Variants in SLC25A42 observed in about 807,000 individuals in gnomAD.
SLC25A42 encodes the protein solute carrier family 25 member 42, also known as mitochondrial coenzyme A transporter SLC25A42.
Under a neutral mutation model 34.7 loss-of-function variants are expected in SLC25A42, and 19 were observed. That is an observed-to-expected ratio of 0.55 (90% CI 0.38 to 0.80). SLC25A42 has a LOEUF of 0.80. Ranked by LOEUF, SLC25A42 falls within the 30% of genes least tolerant of loss-of-function variation. SLC25A42 has a pLI of 0.00. For missense variants in SLC25A42, 364 were observed against 441.3 expected, an observed-to-expected ratio of 0.82 and a Z score of 1.57; for synonymous variants, 205 against 191.2, an observed-to-expected ratio of 1.07 and a Z score of -0.59.
intron 1 of SLC25A42, among the ~76,000 whole-genome samples, chr19:19,094,188 G>A (rs539422156): frequency 3.3e-5 from 5 of 152,278 alleles, no homozygotes; most frequent in Non-Finnish European, 7.4e-5. Flanking sequence ...GCCGCTAAGC[G>A]CAGCCACACC....
chr19:19,074,293 T>G (rs1163501814), intron 1 of SLC25A42, among the ~76,000 whole-genome samples: 2 of 152,146 alleles, frequency 1.3e-5, no homozygotes, highest in Non-Finnish European at 2.9e-5. Flanking sequence ...TCCCCATTTG[T>G]GAGGCAGCCT....
intron 1 of SLC25A42, among the ~76,000 whole-genome samples, chr19:19,082,752 C>G (rs2059687801): frequency 6.6e-6 from 1 of 152,042 alleles, no homozygotes; most frequent in Admixed American, 6.6e-5. Flanking sequence ...CCTCCAACTC[C>G]TGGGCTCAAG....
intron 1 of SLC25A42, among the ~76,000 whole-genome samples, chr19:19,085,346 A>G (rs1467672659): frequency 6.6e-6 from 1 of 151,362 alleles, no homozygotes; most frequent in Non-Finnish European, 1.5e-5. Context: ...TCCAGAGCAC[A>G]GGGGCAAAGG....
intron 1 of SLC25A42, among the ~76,000 whole-genome samples, chr19:19,093,549 C>T (rs554730864): frequency 1.3e-5 from 2 of 152,322 alleles, no homozygotes; most frequent in South Asian, 4.1e-4. Context: ...GATCTTTAGT[C>T]CTCACATCTC....
At chr19:19,097,100 A>G (rs2059769750) in intron 2 of SLC25A42, among the ~76,000 whole-genome samples, 1 of 152,208 alleles carries the variant, frequency 6.6e-6, no homozygotes, top group South Asian at 2.1e-4. Flanking sequence ...TAGAAACCAG[A>G]ACCCCCACTG....
intron 3 of SLC25A42, 34 bp from the exon 4 acceptor site, chr19:19,104,879 A>C (rs775986073): frequency 3.1e-6 from 5 of 1,613,946 alleles, no homozygotes; most frequent in Non-Finnish European, 4.2e-6. Flanking sequence ...TGTCCTTTGC[A>C]TCTCAGTGGC....
chr19:19,068,598 G>A (rs886646420), intron 1 of SLC25A42, among the ~76,000 whole-genome samples: 4 of 151,690 alleles, frequency 2.6e-5, no homozygotes, highest in African/African-American at 9.7e-5. Flanking sequence ...AACCCGGGAG[G>A]CGGAGGTTGC....
At chr19:19,090,252 G>C (rs1394584684) in intron 1 of SLC25A42, among the ~76,000 whole-genome samples, 2 of 152,094 alleles carry the variant, frequency 1.3e-5, no homozygotes, top group Non-Finnish European at 2.9e-5. Context: ...CCAGGTGTCT[G>C]CTTGCTCATT....
At chr19:19,103,802 C>T (rs1432189444) in intron 3 of SLC25A42, among the ~76,000 whole-genome samples, 7 of 152,208 alleles carry the variant, frequency 4.6e-5, no homozygotes, top group South Asian at 2.1e-4. Context: ...TTTCCTCCTC[C>T]GTAAAGTGGA....
At chr19:19,074,721 G>T (rs1304872887) in intron 1 of SLC25A42, among the ~76,000 whole-genome samples, 1 of 151,684 alleles carries the variant, frequency 6.6e-6, no homozygotes, top group Non-Finnish European at 1.5e-5. Context: ...GTGCGTGCGT[G>T]TATGTGTGTG....
chr19:19,083,892 C>G (rs1345401386), intron 1 of SLC25A42, among the ~76,000 whole-genome samples: 1 of 151,944 alleles, frequency 6.6e-6, no homozygotes, highest in African/African-American at 2.4e-5. Flanking sequence ...CCCACCACCC[C>G]AGCATGCCCC....
chr19:19,106,419 C>CG (rs1222121384), intron 6 of SLC25A42, 34 bp downstream of exon 6: 41 of 1,555,888 alleles, frequency 2.6e-5, no homozygotes, highest in Non-Finnish European at 3.5e-5. Flanking sequence ...GCATCAGCCC[C>CG]GGGGGCTCTG....
intron 7 of SLC25A42, among the ~76,000 whole-genome samples, chr19:19,108,261 A>AGG (rs2059844761): frequency 6.6e-6 from 1 of 152,160 alleles, no homozygotes; most frequent in Non-Finnish European, 1.5e-5. Context: ...CCTAAGTGAG[A>AGG]GGAACTCTGG....
chr19:19,082,820 TTTTG>T (rs1474531501), intron 1 of SLC25A42, among the ~76,000 whole-genome samples: 3 of 151,758 alleles, frequency 2.0e-5, no homozygotes. Flanking sequence ...CTAATTTTTT[TTTTG>T]TTGTTGTTGT....
chr19:19,064,128 T>TC lies in SLC25A42; in HGVS notation c.-35+15dup, dbSNP rs1453570434. 1.3e-5 allele frequency: 2 copies of TC among 152,134 alleles called. No homozygotes were observed. Among genetic ancestry groups the TC allele is most frequent in the East Asian group, 3.9e-4 (2 of 5,188 alleles). The allele number at this position is 152,134 out of a possible 1,614,324, so 9.4% of individuals were successfully genotyped here. On this transcript the variant is annotated intron_variant, in intron 1 of 7. Coordinates refer to ENST00000318596, the MANE Select transcript of SLC25A42 (RefSeq NM_178526.5). ...GGGCTGAACTGAGGTGAGGCACGGG[T>TC]CCTGTCATGGATCCCGGGGCGAGGG...
At chr19:19,092,960 C>T (rs1336873357) in intron 1 of SLC25A42, among the ~76,000 whole-genome samples, 2 of 152,128 alleles carry the variant, frequency 1.3e-5, no homozygotes, top group Non-Finnish European at 2.9e-5. Flanking sequence ...AGATGCCGAC[C>T]CCCAGCAACC....
rs749481482 is a variant in SLC25A42, at chr19:19,096,088, C to A, written c.-34-3C>A. On this transcript the variant is annotated splice_region_variant and splice_polypyrimidine_tract_variant and intron_variant, in intron 1 of 7. Transcript: ENST00000318596. ...ATCTTACCACCTCCCCTTACCCCCC[C>A]AGGACCGAGTCTCCTGCCATTCCGA... 1.0e-5 allele frequency: 16 copies of A among 1,592,636 alleles called. No homozygotes were observed. Among genetic ancestry groups the A allele is most frequent in the African/African-American group, 4.0e-5 (3 of 74,428 alleles).
intron 3 of SLC25A42, 104 bp from the exon 4 acceptor site, chr19:19,104,809 G>A (rs987605251): frequency 5.3e-6 from 7 of 1,325,046 alleles, no homozygotes; most frequent in Non-Finnish European, 6.5e-6. Context: ...AGATTGGGGG[G>A]AAAAGGAGGG....
intron 1 of SLC25A42, among the ~76,000 whole-genome samples, chr19:19,084,300 A>G (rs1363476705): frequency 1.3e-5 from 2 of 152,196 alleles, no homozygotes; most frequent in Admixed American, 6.5e-5. Flanking sequence ...ATGCTCTGAC[A>G]TAGGTATATC....
Sources: gnomAD v4.1 joint callset for allele counts (sites outside exome capture counted in the v4.1 genomes callset) on GRCh38, gnomAD v4.1.1 for gene constraint, MANE v1.5 for transcripts, NCBI Gene and HGNC (gene_info 2026-07-23, HGNC 2026-07-21) for gene names.